The following PRCP variants were observed in gnomAD, a reference collection of about 807,000 sequenced individuals.
PRCP encodes the protein lysosomal Pro-X carboxypeptidase.
PRCP carries 46 observed loss-of-function variants against 54.2 expected under a neutral mutation model. The ratio of observed to expected loss-of-function variants is 0.85; its 90% CI spans 0.67 to 1.09. The LOEUF (loss-of-function observed/expected upper bound fraction) is 1.09, where lower values mean the gene tolerates loss of function less well. PRCP is among the 50% of genes least tolerant of loss of function. The pLI is 0.00. For missense variants in PRCP, 613 were observed against 596.8 expected (o/e 1.03, Z -0.28); for synonymous variants, 240 against 212.2 (o/e 1.13, Z -1.14).
At chr11:82,856,282 A>G (rs1026059666) in intron 2 of PRCP, among the ~76,000 whole-genome samples, 5 of 152,248 alleles carry the variant, frequency 3.3e-5, no homozygotes, top group Admixed American at 2.6e-4. Flanking sequence ...ACCCTTCAAG[A>G]GTGGACTGGA....
chr11:82,896,475 A>G lies in PRCP; in HGVS notation c.168+3760T>C, dbSNP rs148690384. On this transcript the variant is annotated intron_variant, in intron 1 of 8. Transcript: ENST00000313010. The stretch of plus-strand genomic sequence containing the variant: ...TGGATCACTTGAGGTCAGGAATTCA[A>G]GACCAGCCTGGCCAACATGGTAAAA... Among the ~76,000 whole-genome samples the G allele has an allele frequency of 4.5e-4, 69 of 152,148 alleles. 1 individual carries two copies. Among genetic ancestry groups the G allele is most frequent in the African/African-American group, 1.5e-3 (64 of 41,490 alleles).
chr11:82,828,922 G>A (rs1023996496), intron 8 of PRCP: 1 of 152,100 alleles, frequency 6.6e-6, no homozygotes, highest in African/African-American at 2.4e-5. Context: ...CAAAAAGTTT[G>A]ATGTCACTCT....
At chr11:82,843,841 G>A (rs745896246) in intron 6 of PRCP, among the ~76,000 whole-genome samples, 1 of 152,132 alleles carries the variant, frequency 6.6e-6, no homozygotes, top group Non-Finnish European at 1.5e-5. Context: ...TTTCACAGAA[G>A]AGAAAACAAG....
Position 82,853,175 on chromosome 11 carries a change from A to G in PRCP, c.411+2T>C. ...TAACTTTTAAGTAAAAAGTATCTTT[A>G]CCTTGAATGAGTTGTCACCAAAGGG... On this transcript the variant is annotated splice_donor_variant, in intron 3 of 8. Transcript: ENST00000313010. LOFTEE classifies it high-confidence loss of function. 6.3e-7 allele frequency: 1 copy of G among 1,581,216 alleles called. No individual in the cohort carries two copies. Among genetic ancestry groups the G allele is most frequent in the Non-Finnish European group, 8.6e-7 (1 of 1,158,744 alleles).
At chr11:82,849,738 T>C (rs1858899833) in intron 5 of PRCP, among the ~76,000 whole-genome samples, 176 bp downstream of exon 5, 1 of 152,238 alleles carries the variant, frequency 6.6e-6, no homozygotes. Flanking sequence ...TTATACTGTG[T>C]CCTTGCTTTG....
intron 1 of PRCP, among the ~76,000 whole-genome samples, chr11:82,871,425 C>T (rs748859324): frequency 1.1e-4 from 16 of 152,100 alleles, no homozygotes; most frequent in South Asian, 2.1e-4. Context: ...GTGATCCACC[C>T]GCCTTGCCCT....
chr11:82,834,245 G>A (rs1040087188), intron 8 of PRCP, among the ~76,000 whole-genome samples: 3 of 152,176 alleles, frequency 2.0e-5, no homozygotes, highest in African/African-American at 7.2e-5. Context: ...CCAGTCTCAG[G>A]TGTTTTGCTA....
chr11:82,898,973 C>T (rs1860181933), intron 1 of PRCP, among the ~76,000 whole-genome samples: 5 of 149,658 alleles, frequency 3.3e-5, no homozygotes, highest in Admixed American at 1.3e-4. Context: ...GACAAAATCC[C>T]ATCTCTATTT....
chr11:82,850,442 T>C lies in PRCP; in HGVS notation c.475A>G (p.Lys159Glu). 6.2e-7 allele frequency: 1 copy of C among 1,606,104 alleles called. No individual in the cohort carries two copies. Among genetic ancestry groups the C allele is most frequent in the East Asian group, 2.2e-5 (1 of 44,474 alleles). The change falls in exon 4 of 9, where the codon AAA becomes GAA. Residue 159 changes from lysine to glutamate, a missense_variant. Physicochemically the swap from Lys to Glu is moderately conservative, Grantham distance 56 (BLOSUM62 1). Coordinates refer to ENST00000313010, the MANE Select transcript of PRCP (RefSeq NM_005040.4). ...CCTGGGATTGTTCTTTTCAAGTGTT[T>C]GATTAACTCTGCAAAATCAGCCAGA... ...QALADFAELI[K>E]HLKRTIPGAE... is the part of the protein sequence containing the mutation.
At chr11:82,890,266 C>G (rs1343469008) in intron 1 of PRCP, among the ~76,000 whole-genome samples, 2 of 152,148 alleles carry the variant, frequency 1.3e-5, no homozygotes, top group Non-Finnish European at 1.5e-5. Flanking sequence ...CATTTCTGTT[C>G]TCTCCCTTTC....
At chr11:82,883,300 C>A (rs976154668) in intron 1 of PRCP, among the ~76,000 whole-genome samples, 1 of 152,154 alleles carries the variant, frequency 6.6e-6, no homozygotes, top group Non-Finnish European at 1.5e-5. Flanking sequence ...AGAGGTGATA[C>A]AAGACCTGAG....
chr11:82,875,057 A>C (rs1479055467), intron 1 of PRCP, among the ~76,000 whole-genome samples: 1 of 152,144 alleles, frequency 6.6e-6, no homozygotes, highest in Non-Finnish European at 1.5e-5. Flanking sequence ...AAAAGTTAGA[A>C]TCTGTTGAAC....
chr11:82,825,062 CAG>C lies in PRCP; in HGVS notation c.1333_1334del (p.Leu445GlyfsTer34). 6.2e-7 allele frequency: 1 copy of C among 1,614,010 alleles called. No individual in the cohort carries two copies. The highest frequency in any genetic ancestry group is 8.5e-7 in the Non-Finnish European group (1 of 1,179,968). ...CCCCCTCTGAGATGGTGACTGCAAC[CAG>C]AGTGTCTGTGATATCCTTAGTTACT... ...GGVTKDITDT[L>X]VAVTISEGAH... On this transcript the variant is annotated frameshift_variant, in exon 9 of 9. Transcript: ENST00000313010. LOFTEE classifies it low-confidence loss of function (END_TRUNC).
At chr11:82,851,382 C>T (rs183858228) in intron 3 of PRCP, among the ~76,000 whole-genome samples, 5 of 151,360 alleles carry the variant, frequency 3.3e-5, no homozygotes, top group African/African-American at 7.3e-5. Context: ...CTTGCTCTCC[C>T]GCACTGCCAA....
At chr11:82,884,487 G>T (rs2121251129) in intron 1 of PRCP, among the ~76,000 whole-genome samples, 1 of 152,288 alleles carries the variant, frequency 6.6e-6, no homozygotes, top group South Asian at 2.1e-4. Context: ...AGCCCGGGAT[G>T]TCGAGGCTGC....
intron 1 of PRCP, among the ~76,000 whole-genome samples, chr11:82,895,102 T>C (rs1860088599): frequency 6.6e-6 from 1 of 152,216 alleles, no homozygotes; most frequent in Non-Finnish European, 1.5e-5. Context: ...AAGATAAAAA[T>C]AATGTTTATC....
chr11:82,867,600 C>T (rs558993188), intron 1 of PRCP, among the ~76,000 whole-genome samples: 20 of 152,344 alleles, frequency 1.3e-4, no homozygotes, highest in African/African-American at 4.8e-4. Flanking sequence ...GGCCACAGCT[C>T]AAGCTCCCAA....
chr11:82,871,220 G>A (rs934228303), intron 1 of PRCP, among the ~76,000 whole-genome samples: 5 of 126,106 alleles, frequency 4.0e-5, no homozygotes, highest in African/African-American at 6.1e-5. Context: ...TGACTCTGTC[G>A]CCCAGGCTGG....
chr11:82,826,417 G>A (rs1275673586), intron 8 of PRCP: 1 of 152,112 alleles, frequency 6.6e-6, no homozygotes, highest in African/African-American at 2.4e-5. Context: ...AATGAGTACT[G>A]CTCCTTTGAA....
Sources: allele counts gnomAD v4.1 joint callset (sites outside exome capture counted in the v4.1 genomes callset), GRCh38; gene constraint gnomAD v4.1.1; transcripts MANE v1.5; gene names NCBI Gene and HGNC (gene_info 2026-07-23, HGNC 2026-07-21).